Variants in BCL2L13 observed in about 807,000 individuals in gnomAD.
BCL2L13 encodes BCL2 like 13.
A neutral mutation model predicts 25.8 loss-of-function variants in BCL2L13; 13 were observed. That is an observed-to-expected ratio of 0.50 (90% CI 0.33 to 0.80). BCL2L13 has a LOEUF of 0.80. BCL2L13 is among the 30% of genes least tolerant of loss of function. The pLI, the probability that BCL2L13 is intolerant of heterozygous loss-of-function variation, is 0.02. For synonymous variants in BCL2L13, 244 were observed against 230.3 expected (o/e 1.06, Z -0.54); for missense variants, 504 against 574.9 (o/e 0.88, Z 1.26).
intron 1 of BCL2L13, among the ~76,000 whole-genome samples, chr22:17,652,869 C>G (rs1179177593): frequency 2.0e-5 from 3 of 152,086 alleles, no homozygotes; most frequent in Non-Finnish European, 4.4e-5. Flanking sequence ...TCGAGACCAT[C>G]CTGGCTAACA....
In BCL2L13 at chr22:17,647,431, G is replaced by T. The variant is rs535656779; in HGVS notation, c.-50-8231G>T. ...TCATAATTACCTTTCATCCAATCTAGCTTTTTTTTCCCCCCGTCCATTCTC... is the reference window on the plus strand; with the variant it reads ...TCATAATTACCTTTCATCCAATCTATCTTTTTTTTCCCCCCGTCCATTCTC... On this transcript the variant is annotated intron_variant, in intron 1 of 6. Transcript: ENST00000317582. Among the ~76,000 whole-genome samples, 3 of 152,092 alleles carry T rather than the reference G, an allele frequency of 2.0e-5. No individual in the cohort carries two copies. The East Asian group carries it at 5.8e-4, about 29-fold the overall frequency.
intron 6 of BCL2L13, chr22:17,706,570 C>A: frequency 2.7e-6 from 2 of 734,784 alleles, no homozygotes; most frequent in Non-Finnish European, 3.5e-6. Context: ...TTTACAAATG[C>A]CAGGTTTTCA....
intron 2 of BCL2L13, among the ~76,000 whole-genome samples, chr22:17,656,958 A>G (rs1341934578): frequency 6.6e-6 from 1 of 152,156 alleles, no homozygotes; most frequent in Non-Finnish European, 1.5e-5. Context: ...AGCTGGGACT[A>G]TAGGCGCACG....
At chr22:17,716,416 A>G (rs1469075263) in intron 6 of BCL2L13, among the ~76,000 whole-genome samples, 1 of 152,204 alleles carries the variant, frequency 6.6e-6, no homozygotes, top group Admixed American at 6.5e-5. Flanking sequence ...GTGAATAAGG[A>G]GACAGCGCTT....
chr22:17,712,115 C>G (rs1184039823), intron 6 of BCL2L13, among the ~76,000 whole-genome samples: 1 of 151,370 alleles, frequency 6.6e-6, no homozygotes, highest in Non-Finnish European at 1.5e-5. Context: ...AACTGATGTT[C>G]TTTGACTATT....
chr22:17,645,277 T>C (rs2058435378), intron 1 of BCL2L13, among the ~76,000 whole-genome samples: 1 of 140,858 alleles, frequency 7.1e-6, no homozygotes, highest in Non-Finnish European at 1.5e-5. Context: ...TCACACAGGC[T>C]GGAGTGCAAT....
chr22:17,683,048 G>T (rs942345551), intron 2 of BCL2L13, among the ~76,000 whole-genome samples, 166 bp from the exon 3 acceptor site: 8 of 151,388 alleles, frequency 5.3e-5, no homozygotes, highest in Non-Finnish European at 7.4e-5. Context: ...CAGGAGAATC[G>T]CTTGAACCTA....
At chr22:17,654,356 G>A (rs1040476821) in intron 1 of BCL2L13, among the ~76,000 whole-genome samples, 11 of 151,914 alleles carry the variant, frequency 7.2e-5, no homozygotes, top group African/African-American at 1.7e-4. Context: ...CTCTGCCTCC[G>A]CCTCCCAAAG....
intron 6 of BCL2L13, among the ~76,000 whole-genome samples, chr22:17,720,780 G>T (rs577949330): frequency 1.3e-5 from 2 of 151,948 alleles, no homozygotes; most frequent in East Asian, 1.9e-4. Context: ...GGGATTATAG[G>T]TGTGAGCCAC....
intron 2 of BCL2L13, among the ~76,000 whole-genome samples, chr22:17,676,995 G>A (rs1438485343): frequency 1.3e-5 from 2 of 152,290 alleles, no homozygotes; most frequent in African/African-American, 4.8e-5. Flanking sequence ...TAAGTGAAAT[G>A]TCATTAAGCA....
At chr22:17,673,833 G>GT (rs1285431653) in intron 2 of BCL2L13, among the ~76,000 whole-genome samples, 2 of 151,768 alleles carry the variant, frequency 1.3e-5, no homozygotes, top group Non-Finnish European at 2.9e-5. Context: ...ATTTTATTGT[G>GT]TTTTTTTAAG....
Position 17,723,942 on chromosome 22 carries a change from C to CA in BCL2L13, c.601-2726dup, listed in dbSNP as rs1165754684. Reference sequence around the variant, plus strand: ...GTGAGACTCCGTCTCAAAAAAAAAACAAAAAAAAACAAAAAACAAACTATA... The same window carrying CA: ...GTGAGACTCCGTCTCAAAAAAAAAACAAAAAAAAAACAAAAAACAAACTATA... On this transcript the variant is annotated intron_variant, in intron 6 of 6. Transcript: ENST00000317582. 7.3e-3 allele frequency among the ~76,000 whole-genome samples: 974 copies of CA among 132,666 alleles called. 15 individuals are homozygous for CA. Among genetic ancestry groups the CA allele is most frequent in the African/African-American group, 0.024 (907 of 37,916 alleles). The allele number at this position is 132,666 out of a possible 152,430, so 87.0% of individuals were successfully genotyped here.
intron 1 of BCL2L13, among the ~76,000 whole-genome samples, chr22:17,648,294 A>G (rs2058563461): frequency 6.6e-6 from 1 of 152,138 alleles, no homozygotes; most frequent in Non-Finnish European, 1.5e-5. Context: ...CTATAATTTA[A>G]TATAAATGTG....
chr22:17,690,336 A>AAT (rs397751085), intron 4 of BCL2L13, among the ~76,000 whole-genome samples: 3 of 150,860 alleles, frequency 2.0e-5, no homozygotes, highest in East Asian at 2.0e-4. Flanking sequence ...AAAGAAAAAA[A>AAT]TTTTTTTTTT....
At chr22:17,654,429 C>T (rs1299440154) in intron 1 of BCL2L13, among the ~76,000 whole-genome samples, 2 of 138,612 alleles carry the variant, frequency 1.4e-5, no homozygotes, top group African/African-American at 5.4e-5. Context: ...TTTTTTTCTT[C>T]TGTTTTTTTT....
chr22:17,698,009 T>A (rs2060315815), intron 5 of BCL2L13, among the ~76,000 whole-genome samples: 2 of 152,014 alleles, frequency 1.3e-5, no homozygotes, highest in African/African-American at 4.8e-5. Flanking sequence ...AGAGATGGGG[T>A]TTCACTGTGT....
chr22:17,643,051 G>A (rs1223742827), intron 1 of BCL2L13, among the ~76,000 whole-genome samples: 1 of 152,168 alleles, frequency 6.6e-6, no homozygotes, highest in Non-Finnish European at 1.5e-5. Context: ...GTGAAAGTCA[G>A]ATTATCTAGG....
chr22:17,696,232 C>A (rs1353765330), intron 5 of BCL2L13, 22 bp downstream of exon 5: 1 of 1,593,528 alleles, frequency 6.3e-7, no homozygotes, highest in Non-Finnish European at 8.6e-7. Context: ...ATGATCTTTT[C>A]TCTTAAAAGA....
chr22:17,724,939 A>G (rs1378212789), intron 6 of BCL2L13, among the ~76,000 whole-genome samples: 1 of 152,190 alleles, frequency 6.6e-6, no homozygotes, highest in East Asian at 1.9e-4. Flanking sequence ...TTAGTTATTC[A>G]TATGTCAGGC....
Sources: gnomAD v4.1 joint callset for allele counts (sites outside exome capture counted in the v4.1 genomes callset) on GRCh38, gnomAD v4.1.1 for gene constraint, MANE v1.5 for transcripts, NCBI Gene and HGNC (gene_info 2026-07-23, HGNC 2026-07-21) for gene names.